Variants in CASQ2 observed in about 807,000 individuals in gnomAD.
CASQ2 encodes the protein calsequestrin 2.
A neutral mutation model predicts 46.5 loss-of-function variants in CASQ2; 49 were observed. The observed-to-expected ratio is 1.05, with a 90% CI of 0.84 to 1.34. CASQ2 has a LOEUF of 1.34. Ranked by LOEUF, CASQ2 falls within the 40% of genes most tolerant of loss-of-function variation. The pLI, the probability that CASQ2 is intolerant of heterozygous loss-of-function variation, is 0.00. For missense variants in CASQ2, 486 were observed against 481.3 expected (o/e 1.01, Z -0.09); for synonymous variants, 174 against 168.5 (o/e 1.03, Z -0.25).
chr1:115,739,191 A>C (rs1648080751), intron 3 of CASQ2, among the ~76,000 whole-genome samples: 1 of 137,848 alleles, frequency 7.3e-6, no homozygotes, highest in African/African-American at 2.5e-5. Context: ...GGCTCACTGC[A>C]AGCTCCGCCT....
intron 4 of CASQ2, among the ~76,000 whole-genome samples, chr1:115,733,406 A>T (rs1647857976): frequency 6.6e-6 from 1 of 152,236 alleles, no homozygotes; most frequent in Non-Finnish European, 1.5e-5. Flanking sequence ...CACAGTGTAA[A>T]GTAACCTCAA....
At chr1:115,717,649 C>T (rs995332802) in intron 8 of CASQ2, among the ~76,000 whole-genome samples, 191 bp downstream of exon 8, 2 of 152,236 alleles carry the variant, frequency 1.3e-5, no homozygotes, top group Non-Finnish European at 2.9e-5. Context: ...GATTTGTTCA[C>T]ACCTTTTCTT....
At chr1:115,755,798 C>T (rs973383369) in intron 1 of CASQ2, among the ~76,000 whole-genome samples, 9 of 152,246 alleles carry the variant, frequency 5.9e-5, no homozygotes, top group South Asian at 2.1e-4. Flanking sequence ...CTATGAGGAG[C>T]GTACTGTGGC....
At chr1:115,744,214 G>T (rs1378815052) in intron 2 of CASQ2, among the ~76,000 whole-genome samples, 1 of 151,978 alleles carries the variant, frequency 6.6e-6, no homozygotes, top group Non-Finnish European at 1.5e-5. Context: ...CTCTCTTTGG[G>T]ATTACAGGGT....
intron 8 of CASQ2, among the ~76,000 whole-genome samples, chr1:115,706,380 T>C (rs1200387394): frequency 2.0e-5 from 3 of 152,166 alleles, no homozygotes; most frequent in Non-Finnish European, 4.4e-5. Flanking sequence ...ATAGGAGCAC[T>C]AGGGCAGAAA....
chr1:115,737,175 A>G lies in CASQ2; in HGVS notation c.532+1049T>C, dbSNP rs1647991853. On this transcript the variant is annotated intron_variant, in intron 4 of 10. Transcript: ENST00000261448. Reference sequence around the variant, plus strand: ...TACAAACTAAAATAAAATTGCCTAAAGAAGAACTGGGGCAAATCTCCCTGG... The same window carrying G: ...TACAAACTAAAATAAAATTGCCTAAGGAAGAACTGGGGCAAATCTCCCTGG... Among the ~76,000 whole-genome samples the G allele has an allele frequency of 2.0e-5, 3 of 152,220 alleles. No homozygotes were observed. The South Asian group carries it at 6.2e-4, about 32-fold the overall frequency.
At chr1:115,761,100 G>T (rs1013007738) in intron 1 of CASQ2, among the ~76,000 whole-genome samples, 39 of 151,838 alleles carry the variant, frequency 2.6e-4, no homozygotes, top group Non-Finnish European at 4.3e-4. Flanking sequence ...ACTTACTCAG[G>T]ATAGTGGGTA....
chr1:115,746,149 T>C (rs1409111236), intron 1 of CASQ2, among the ~76,000 whole-genome samples: 5 of 130,802 alleles, frequency 3.8e-5, no homozygotes, highest in African/African-American at 1.0e-4. Context: ...TTGTTGCATG[T>C]ATCGATACGC....
At chr1:115,760,675 A>G (rs1441152820) in intron 1 of CASQ2, among the ~76,000 whole-genome samples, 1 of 152,232 alleles carries the variant, frequency 6.6e-6, no homozygotes, top group Non-Finnish European at 1.5e-5. Flanking sequence ...GCCTTTACCC[A>G]GTGACCAATT....
At chr1:115,718,565 G>A (rs928898058) in intron 7 of CASQ2, among the ~76,000 whole-genome samples, 4 of 152,154 alleles carry the variant, frequency 2.6e-5, no homozygotes, top group African/African-American at 9.7e-5. Context: ...TGGCCTCTAG[G>A]TGACTTCCTT....
intron 5 of CASQ2, among the ~76,000 whole-genome samples, chr1:115,731,148 T>A (rs1419746741): frequency 6.6e-6 from 1 of 152,238 alleles, no homozygotes; most frequent in Non-Finnish European, 1.5e-5. Context: ...CTGGCACTTA[T>A]GACTCAGTGT....
chr1:115,732,935 G>A lies in CASQ2; in HGVS notation c.572C>T (p.Pro191Leu). 1.9e-6 allele frequency: 3 copies of A among 1,613,860 alleles called. No homozygotes were observed. Among genetic ancestry groups the A allele is most frequent in the Non-Finnish European group, 2.5e-6 (3 of 1,179,862 alleles). Residue 191 changes from proline to leucine, a missense_variant, in exon 5 of 11, where the codon CCT becomes CTT. Coordinates refer to ENST00000261448, the MANE Select transcript of CASQ2 (RefSeq NM_001232.4). ...AFEEAAEHFQ[P>L]YIKFFATFDK... ...AAAGGTGGCAAAGAATTTGATGTAAGGCTGGAAGTGTTCAGCTGCTTCTTC... is the reference window on the plus strand; with the variant it reads ...AAAGGTGGCAAAGAATTTGATGTAAAGCTGGAAGTGTTCAGCTGCTTCTTC...
intron 1 of CASQ2, among the ~76,000 whole-genome samples, chr1:115,751,213 G>A (rs1315671466): frequency 6.6e-6 from 1 of 152,184 alleles, no homozygotes; most frequent in Non-Finnish European, 1.5e-5. Flanking sequence ...AGCTGGCTAG[G>A]GTTCTGGATC....
intron 4 of CASQ2, among the ~76,000 whole-genome samples, chr1:115,733,748 A>G (rs943808378): frequency 6.6e-6 from 1 of 152,192 alleles, no homozygotes; most frequent in Non-Finnish European, 1.5e-5. Context: ...AATAAATGCT[A>G]TAAGCCTGAG....
intron 6 of CASQ2, 45 bp downstream of exon 6, chr1:115,726,947 T>TGCCC: frequency 1.9e-6 from 2 of 1,036,540 alleles, no homozygotes; most frequent in South Asian, 1.3e-5. Context: ...TCCTCTCCAT[T>TGCCC]CCCCAGACCC....
intron 8 of CASQ2, among the ~76,000 whole-genome samples, chr1:115,717,342 G>A (rs1051730876): frequency 2.6e-5 from 4 of 152,166 alleles, no homozygotes; most frequent in Non-Finnish European, 5.9e-5. Context: ...TGGTCTAAAA[G>A]GCTGAGCAAG....
At chr1:115,745,944 G>T (rs1227779936) in intron 1 of CASQ2, among the ~76,000 whole-genome samples, 2 of 152,074 alleles carry the variant, frequency 1.3e-5, no homozygotes, top group Non-Finnish European at 2.9e-5. Context: ...CACAAGGATC[G>T]CTCTGTTGTC....
chr1:115,746,855 G>A (rs756596597), intron 1 of CASQ2, among the ~76,000 whole-genome samples: 1 of 152,092 alleles, frequency 6.6e-6, no homozygotes, highest in Non-Finnish European at 1.5e-5. Context: ...TTCATATAAT[G>A]TATAGTGATC....
At chr1:115,726,953 G>GCCCCC in intron 6 of CASQ2, 39 bp downstream of exon 6, 2 of 607,790 alleles carry the variant, frequency 3.3e-6, no homozygotes, top group Non-Finnish European at 6.1e-6. Context: ...CCATTCCCCA[G>GCCCCC]ACCCCAGGCC....
Sources: allele counts gnomAD v4.1 joint callset (sites outside exome capture counted in the v4.1 genomes callset), GRCh38; gene constraint gnomAD v4.1.1; transcripts MANE v1.5; gene names NCBI Gene and HGNC (gene_info 2026-07-23, HGNC 2026-07-21).